Variants in WDR27 observed in about 807,000 individuals in gnomAD.
WDR27 encodes WD repeat-containing protein 27.
Under a neutral mutation model 114.4 loss-of-function variants are expected in WDR27, and 100 were observed. The observed-to-expected ratio is 0.87, with a 90% CI of 0.74 to 1.03. The LOEUF is 1.03. Among genes scored for constraint, WDR27 ranks in the 50% least tolerant of loss-of-function variants. The pLI is 0.00. For missense variants in WDR27, 1,129 were observed against 1,092.9 expected (o/e 1.03, Z -0.47); for synonymous variants, 449 against 423.1 (o/e 1.06, Z -0.75).
At chr6:169,585,668 A>G (rs1013838056) in intron 23 of WDR27, among the ~76,000 whole-genome samples, 4 of 152,250 alleles carry the variant, frequency 2.6e-5, no homozygotes, top group Admixed American at 1.3e-4. Flanking sequence ...AAAGAAAATG[A>G]TATTTAAAAA....
intron 22 of WDR27, among the ~76,000 whole-genome samples, chr6:169,608,575 C>T (rs1809784210): frequency 2.0e-5 from 3 of 152,150 alleles, no homozygotes; most frequent in African/African-American, 7.2e-5. Context: ...TTCACTACCA[C>T]AAGAACAGTA....
chr6:169,648,871 C>G (rs761352282), intron 15 of WDR27, among the ~76,000 whole-genome samples: 19 of 152,222 alleles, frequency 1.2e-4, no homozygotes, highest in South Asian at 2.1e-4. Context: ...GCACCTGGCA[C>G]TACAACGGCC....
chr6:169,546,017 A>C (rs761231385), intron 25 of WDR27, among the ~76,000 whole-genome samples: 2 of 152,150 alleles, frequency 1.3e-5, no homozygotes, highest in Non-Finnish European at 2.9e-5. Context: ...AAGCACATTA[A>C]AGATGCTCAG....
At chr6:169,607,140 G>C (rs183698240) in intron 22 of WDR27, among the ~76,000 whole-genome samples, 2 of 152,220 alleles carry the variant, frequency 1.3e-5, no homozygotes, top group African/African-American at 4.8e-5. Flanking sequence ...ATGCTGATGG[G>C]AATGTAAATT....
Position 169,659,145 on chromosome 6 carries a change from G to A in WDR27, c.1260C>T (p.Ala420=), listed in dbSNP as rs373943323. ...GGCACTGCTGAGCCCTGACTAGCGC[G>A]GCCGGGTTGATCTCCAACACGGCAA... The part of the protein sequence containing the change: ...GKIAVLEINP[A]ALVRAQQCPS... Residue 420 remains alanine (A), a synonymous_variant, in exon 12 of 26, where the codon GCC becomes GCT. Transcript: ENST00000448612. This position sits in a 1 kb window ranked among gnomAD's most constrained non-coding sequence, Gnocchi z 4.3. The A allele has an allele frequency of 2.4e-5, 38 of 1,611,066 alleles. No individual in the cohort carries two copies. Among genetic ancestry groups the A allele is most frequent in the South Asian group, 9.9e-5 (9 of 90,780 alleles).
At chr6:169,583,510 TATACACACAC>T (rs1562630769) in intron 23 of WDR27, among the ~76,000 whole-genome samples, 1 of 29,914 alleles carries the variant, frequency 3.3e-5, no homozygotes, top group Non-Finnish European at 1.3e-4. Context: ...TATATGTATA[TATACACACAC>T]ACACACACAC....
intron 25 of WDR27, among the ~76,000 whole-genome samples, chr6:169,524,860 T>C (rs1301799993): frequency 3.3e-5 from 5 of 152,144 alleles, no homozygotes; most frequent in Non-Finnish European, 5.9e-5. Context: ...TGCTCAAGGA[T>C]TGTGGTCTGG....
chr6:169,663,374 A>G (rs942989437), intron 8 of WDR27, among the ~76,000 whole-genome samples: 4 of 152,190 alleles, frequency 2.6e-5, no homozygotes, highest in African/African-American at 9.7e-5. Context: ...CACAACCTAA[A>G]AGAAAGAATG....
intron 21 of WDR27, among the ~76,000 whole-genome samples, chr6:169,632,189 CA>C (rs1012298678): frequency 0.079 from 5,050 of 63,906 alleles, 148 homozygotes; most frequent in African/African-American, 0.22. Flanking sequence ...GACTCTGTCT[CA>C]AAAAAAAAAA....
At chr6:169,660,882 T>C in intron 9 of WDR27, 116 bp from the exon 10 acceptor site, 1 of 882,078 alleles carries the variant, frequency 1.1e-6, no homozygotes, top group Non-Finnish European at 1.7e-6. Flanking sequence ...AGTGTGGGCG[T>C]TGGGCCCCAC....
At chr6:169,696,080 G>A (rs891637242) in intron 1 of WDR27, among the ~76,000 whole-genome samples, 2 of 152,162 alleles carry the variant, frequency 1.3e-5, no homozygotes, top group African/African-American at 2.4e-5. Flanking sequence ...ATCCATTTGC[G>A]CTGTTTTAAA....
chr6:169,675,729 G>A (rs1394008572), intron 2 of WDR27, among the ~76,000 whole-genome samples: 2 of 152,162 alleles, frequency 1.3e-5, no homozygotes, highest in Admixed American at 1.3e-4. Context: ...GGAATATTCA[G>A]GTTAAGATAA....
chr6:169,687,496 C>T (rs982713680), intron 2 of WDR27, among the ~76,000 whole-genome samples: 1 of 152,040 alleles, frequency 6.6e-6, no homozygotes, highest in Non-Finnish European at 1.5e-5. Context: ...CTTTAATAAT[C>T]ACAGAATTAC....
intron 21 of WDR27, among the ~76,000 whole-genome samples, chr6:169,631,668 C>T (rs190190644): frequency 2.0e-5 from 3 of 152,268 alleles, no homozygotes; most frequent in Admixed American, 2.0e-4. Context: ...TCTTCCTGGA[C>T]ACGGAGCCTC....
intron 25 of WDR27, among the ~76,000 whole-genome samples, chr6:169,482,756 C>T (rs913562503): frequency 6.6e-6 from 1 of 152,202 alleles, no homozygotes; most frequent in African/African-American, 2.4e-5. Context: ...CCACATGTCA[C>T]ATACTCTGAA....
intron 24 of WDR27, among the ~76,000 whole-genome samples, chr6:169,581,891 G>A (rs538658079): frequency 2.9e-4 from 44 of 152,326 alleles, no homozygotes; most frequent in African/African-American, 1.0e-3. Context: ...ACACAGTGAC[G>A]CTATTCTCTG....
chr6:169,467,366 C>A (rs1785727528), intron 25 of WDR27, among the ~76,000 whole-genome samples: 1 of 152,212 alleles, frequency 6.6e-6, no homozygotes, highest in South Asian at 2.1e-4. Flanking sequence ...CCACATTTTC[C>A]TTCTGCACTG....
the WDR27 span, among the ~76,000 whole-genome samples, chr6:169,446,547 G>A: frequency 2.0e-5 from 3 of 152,238 alleles, no homozygotes; most frequent in Non-Finnish European, 4.4e-5. Context: ...GGGAGCATCT[G>A]CAGGGGGCAG....
intron 25 of WDR27, among the ~76,000 whole-genome samples, chr6:169,564,976 C>T (rs1394925329): frequency 1.3e-5 from 2 of 152,186 alleles, no homozygotes; most frequent in Non-Finnish European, 1.5e-5. Context: ...GACCAGCACA[C>T]GAGAGCCGGG....
Sources: allele counts gnomAD v4.1 joint callset (sites outside exome capture counted in the v4.1 genomes callset), GRCh38; gene constraint gnomAD v4.1.1; non-coding constraint Gnocchi (gnomAD v3.1); transcripts MANE v1.5; gene names NCBI Gene and HGNC (gene_info 2026-07-23, HGNC 2026-07-21).